Variants in NUP107 observed in about 807,000 individuals in gnomAD.
NUP107 encodes the protein nuclear pore complex protein Nup107.
A neutral mutation model predicts 141.0 loss-of-function variants in NUP107; 101 were observed. The ratio of observed to expected loss-of-function variants is 0.72; its 90% CI spans 0.61 to 0.84. The LOEUF (loss-of-function observed/expected upper bound fraction) is 0.84, where lower values mean the gene tolerates loss of function less well. Ranked by LOEUF, NUP107 falls within the 40% of genes least tolerant of loss-of-function variation. The pLI is 0.00. For synonymous variants in NUP107, 319 were observed against 363.9 expected (o/e 0.88, Z 1.41); for missense variants, 941 against 1,102.7 (o/e 0.85, Z 2.08).
intron 1 of NUP107, 124 bp downstream of exon 1, chr12:68,687,197 C>A: frequency 3.7e-6 from 5 of 1,350,432 alleles, no homozygotes; most frequent in Non-Finnish European, 5.2e-6. Context: ...CCCTAAGGCT[C>A]CTTCCCCATG....
At chr12:68,692,527 T>C (rs1237646322) in intron 5 of NUP107, among the ~76,000 whole-genome samples, 1 of 149,962 alleles carries the variant, frequency 6.7e-6, no homozygotes, top group Non-Finnish European at 1.5e-5. Flanking sequence ...TGCAGTGAGC[T>C]GAGATCGCAC....
chr12:68,726,755 A>G, intron 19 of NUP107, 138 bp downstream of exon 19: 1 of 628,266 alleles, frequency 1.6e-6, no homozygotes, highest in East Asian at 2.7e-5. Context: ...AGTCTTGTAT[A>G]GTCACTCAAT....
intron 1 of NUP107, chr12:68,687,396 T>A: frequency 1.5e-5 from 16 of 1,081,790 alleles, no homozygotes; most frequent in Non-Finnish European, 1.9e-5. Flanking sequence ...GTGACCAGCC[T>A]GAGATCACAA....
At chr12:68,693,422 C>T (rs1241933509) in intron 5 of NUP107, among the ~76,000 whole-genome samples, 6 of 152,060 alleles carry the variant, frequency 3.9e-5, no homozygotes, top group Non-Finnish European at 8.8e-5. Flanking sequence ...AAGACCAGCC[C>T]AGGCTGGTCT....
rs757208798 is a variant in NUP107, at chr12:68,737,560, C to CAAAAA, written c.2502+2234_2502+2238dup. 2.2e-4 allele frequency among the ~76,000 whole-genome samples: 16 copies of CAAAAA among 72,076 alleles called. 1 individual carries two copies. Among genetic ancestry groups the CAAAAA allele is most frequent in the South Asian group, 4.6e-4 (1 of 2,174 alleles). 47.3% of individuals were successfully genotyped at this position (72,076 alleles called of 152,430 possible). ...TAGGTGACAGAGTGAGACCCTGTCT[C>CAAAAA]AAAAAAAAAAAAAAAAAAAAAATGG... On this transcript the variant is annotated intron_variant, in intron 26 of 27. Coordinates refer to ENST00000229179, the MANE Select transcript of NUP107 (RefSeq NM_020401.4).
Position 68,689,529 on chromosome 12 carries a change from A to G in NUP107, c.101-4A>G. ...TGGAAAACTTTTCTTAACTCGTTGTACAGTTCAGGCATCTCAAGATGAAAA... is the reference window on the plus strand; with the variant it reads ...TGGAAAACTTTTCTTAACTCGTTGTGCAGTTCAGGCATCTCAAGATGAAAA... On this transcript the variant is annotated splice_region_variant and splice_polypyrimidine_tract_variant and intron_variant, in intron 2 of 27. Transcript: ENST00000229179. 6.3e-7 allele frequency: 1 copy of G among 1,575,452 alleles called. No homozygotes were observed. The highest frequency in any genetic ancestry group is 8.6e-7 in the Non-Finnish European group (1 of 1,156,898).
intron 4 of NUP107, 36 bp downstream of exon 4, chr12:68,690,782 G>T (rs772152370): frequency 6.2e-7 from 1 of 1,604,540 alleles, no homozygotes; most frequent in Non-Finnish European, 8.5e-7. Context: ...CTCCTTTTGG[G>T]TCGAGTGTGG....
At chr12:68,706,307 A>C (rs573866186) in intron 8 of NUP107, 2 of 1,053,066 alleles carry the variant, frequency 1.9e-6, no homozygotes, top group African/African-American at 1.6e-5. Context: ...CAGCTTCCTC[A>C]GGCAACTGTA....
At chr12:68,708,245 C>T (rs990258908) in intron 8 of NUP107, among the ~76,000 whole-genome samples, 2 of 151,982 alleles carry the variant, frequency 1.3e-5, no homozygotes, top group African/African-American at 2.4e-5. Flanking sequence ...TTCAGTTAGT[C>T]TAACTTATGA....
Position 68,689,029 on chromosome 12 carries a change from C to G in NUP107, c.76C>G (p.Gln26Glu). The change falls in exon 2 of 28, where the codon CAG becomes GAG. Residue 26 changes from glutamine to glutamate, a missense_variant. Transcript: ENST00000229179. Reference sequence around the variant, plus strand: ...AGAGGTGACACGGACTGCACGGAAACAGAGTGCTCAGAAAAGAGTTTTACG... The same window carrying G: ...AGAGGTGACACGGACTGCACGGAAAGAGAGTGCTCAGAAAAGAGTTTTACG... ...EAEVTRTARK[Q>E]SAQKRVLLQA... 6.2e-7 allele frequency: 1 copy of G among 1,613,036 alleles called. No homozygotes were observed. The highest frequency in any genetic ancestry group is 8.5e-7 in the Non-Finnish European group (1 of 1,179,248).
chr12:68,732,155 GACA>G (rs1592520670), intron 22 of NUP107, among the ~76,000 whole-genome samples: 1 of 152,018 alleles, frequency 6.6e-6, no homozygotes, highest in East Asian at 1.9e-4. Flanking sequence ...ATTTTCTTGA[GACA>G]ACAAGGTCTA....
intron 5 of NUP107, among the ~76,000 whole-genome samples, chr12:68,695,612 G>A (rs1876014866): frequency 6.6e-6 from 1 of 152,180 alleles, no homozygotes; most frequent in Non-Finnish European, 1.5e-5. Flanking sequence ...TCAGGGGCTG[G>A]GGTAAGTGGA....
intron 25 of NUP107, among the ~76,000 whole-genome samples, 179 bp downstream of exon 25, chr12:68,735,012 A>G (rs1340488021): frequency 6.6e-6 from 1 of 152,224 alleles, no homozygotes; most frequent in Non-Finnish European, 1.5e-5. Flanking sequence ...TTAACCAAAC[A>G]TGAAAAATGC....
intron 15 of NUP107, 34 bp downstream of exon 15, chr12:68,721,211 T>C: frequency 3.5e-6 from 5 of 1,410,418 alleles, no homozygotes; most frequent in Non-Finnish European, 9.9e-7. Flanking sequence ...AAATTTTTTC[T>C]GTGGAGTAAA....
intron 18 of NUP107, 41 bp downstream of exon 18, chr12:68,725,837 G>GGTTTTTTTTTTTTTTT (rs376106399): frequency 1.8e-6 from 1 of 543,338 alleles, no homozygotes; most frequent in African/African-American, 2.3e-5. Context: ...TTTTGTGTGT[G>GGTTTTTTTTTTTTTTT]TTTTTTTTTT....
intron 9 of NUP107, among the ~76,000 whole-genome samples, chr12:68,709,665 C>A (rs1462733708): frequency 6.6e-6 from 1 of 151,818 alleles, no homozygotes; most frequent in East Asian, 1.9e-4. Context: ...CCAGGGCAGG[C>A]AGATCTCGAG....
intron 11 of NUP107, among the ~76,000 whole-genome samples, chr12:68,715,283 C>T (rs1480894064): frequency 5.9e-5 from 9 of 152,288 alleles, no homozygotes; most frequent in Non-Finnish European, 5.9e-5. Context: ...ATCATGAGGT[C>T]AGGAGTTCGA....
intron 25 of NUP107, among the ~76,000 whole-genome samples, 195 bp from the exon 26 acceptor site, chr12:68,735,036 G>GA (rs1878006992): frequency 6.6e-6 from 1 of 152,170 alleles, no homozygotes; most frequent in South Asian, 2.1e-4. Flanking sequence ...CAGGTGACAT[G>GA]AGCGTTCATT....
intron 1 of NUP107, among the ~76,000 whole-genome samples, chr12:68,688,651 C>A (rs935672470): frequency 6.6e-6 from 1 of 152,192 alleles, no homozygotes; most frequent in Admixed American, 6.5e-5. Flanking sequence ...GATTCACTTT[C>A]ATGAAGCAAT....
Sources: allele counts gnomAD v4.1 joint callset (sites outside exome capture counted in the v4.1 genomes callset), GRCh38; gene constraint gnomAD v4.1.1; transcripts MANE v1.5; gene names NCBI Gene and HGNC (gene_info 2026-07-23, HGNC 2026-07-21).